ARSB: variants seen among roughly 807,000 people sequenced by gnomAD.
The protein encoded by ARSB is N-acetylgalactosamine-4-sulfatase.
A neutral mutation model predicts 50.9 loss-of-function variants in ARSB; 41 were observed. The ratio of observed to expected loss-of-function variants is 0.81; its 90% CI spans 0.63 to 1.04. The LOEUF is 1.04. Ranked by LOEUF, ARSB falls within the 50% of genes least tolerant of loss-of-function variation. ARSB has a pLI of 0.00. For missense variants in ARSB, 672 were observed against 693.3 expected (o/e 0.97, Z 0.35); for synonymous variants, 269 against 284.8 (o/e 0.94, Z 0.56).
intron 5 of ARSB, among the ~76,000 whole-genome samples, chr5:78,846,673 T>A (rs6896262): frequency 6.6e-6 from 1 of 152,168 alleles, no homozygotes; most frequent in Non-Finnish European, 1.5e-5. Context: ...GTTTTCTGTA[T>A]ATATGATGAT....
At chr5:78,905,887 G>A (rs1749038816) in intron 4 of ARSB, among the ~76,000 whole-genome samples, 1 of 142,674 alleles carries the variant, frequency 7.0e-6, no homozygotes, top group Admixed American at 7.2e-5. Flanking sequence ...GCATAACTGA[G>A]GTTGCCTTTG....
At chr5:78,805,757 C>T (rs1351892522) in intron 6 of ARSB, among the ~76,000 whole-genome samples, 1 of 152,172 alleles carries the variant, frequency 6.6e-6, no homozygotes, top group Non-Finnish European at 1.5e-5. Flanking sequence ...TGATTATCAT[C>T]GACTGAGCAG....
intron 6 of ARSB, among the ~76,000 whole-genome samples, chr5:78,836,038 C>T (rs1442650093): frequency 6.6e-6 from 1 of 152,186 alleles, no homozygotes; most frequent in African/African-American, 2.4e-5. Context: ...ATATGATATC[C>T]AGACTTGGCT....
chr5:78,931,917 T>A (rs1370501994), intron 4 of ARSB, among the ~76,000 whole-genome samples: 6 of 151,888 alleles, frequency 4.0e-5, no homozygotes, highest in Non-Finnish European at 8.8e-5. Context: ...CCCCTTCACT[T>A]TCTCTCTCTC....
At position 78,797,920 on chromosome 5, in the gene ARSB, G is replaced by A. The variant is rs562492123; in HGVS notation, c.1214-15946C>T. Among the ~76,000 whole-genome samples the A allele has an allele frequency of 2.0e-5, 3 of 152,286 alleles. No individual in the cohort carries two copies. The South Asian group carries it at 6.2e-4, about 32-fold the overall frequency. The stretch of plus-strand genomic sequence containing the variant: ...TTTGAAAGGCAAAGCATAGGGGAAG[G>A]GGCCTCTAAAAGGCTGAGAAGGAGG... On this transcript the variant is annotated intron_variant, in intron 6 of 7. Transcript: ENST00000264914.
rs1007398945 is a variant in ARSB, at chr5:78,942,580, T to C, written c.898+12715A>G. ...AGGAGCGGGTTGTTCGGTTTCCATG[T>C]AGTTGAATGGTTTTGAGTGAGTTTC... On this transcript the variant is annotated intron_variant, in intron 4 of 7. Coordinates refer to ENST00000264914, the MANE Select transcript of ARSB (RefSeq NM_000046.5). Among the ~76,000 whole-genome samples the C allele has an allele frequency of 6.6e-5, 10 of 152,222 alleles. No individual in the cohort carries two copies. In the South Asian group the frequency reaches 1.0e-3, roughly 16 times the overall value.
At chr5:78,862,588 A>T (rs1746498541) in intron 5 of ARSB, among the ~76,000 whole-genome samples, 1 of 152,240 alleles carries the variant, frequency 6.6e-6, no homozygotes, top group African/African-American at 2.4e-5. Flanking sequence ...TACACCTTAT[A>T]CAAAAATTAA....
chr5:78,959,676 T>C (rs558378754), intron 3 of ARSB, among the ~76,000 whole-genome samples: 2 of 152,262 alleles, frequency 1.3e-5, no homozygotes, highest in East Asian at 3.9e-4. Flanking sequence ...GATATTTCCA[T>C]CCCATACTAC....
chr5:78,862,188 G>T (rs1277731564), intron 5 of ARSB, among the ~76,000 whole-genome samples: 2 of 152,182 alleles, frequency 1.3e-5, no homozygotes, highest in African/African-American at 2.4e-5. Context: ...TGGCCATACT[G>T]CCCGAGGTAA....
chr5:78,801,292 G>A (rs573103812), intron 6 of ARSB, among the ~76,000 whole-genome samples: 22 of 152,220 alleles, frequency 1.4e-4, no homozygotes, highest in Non-Finnish European at 2.4e-4. Context: ...TTGTAAATAC[G>A]TACCTTAGCA....
intron 4 of ARSB, among the ~76,000 whole-genome samples, chr5:78,918,177 C>T (rs1749644787): frequency 6.6e-6 from 1 of 152,176 alleles, no homozygotes; most frequent in Admixed American, 6.5e-5. Context: ...TATATCTGCA[C>T]ATTAGGGATT....
At position 78,936,126 on chromosome 5, in the gene ARSB, TC is replaced by T. The variant is rs1482188356; in HGVS notation, c.898+19168del. ...TTCCCTCCATCCCTTCCTCTCTCTC[TC>T]TCTTTTTTTTTTTTTTTGGTGGATT... On this transcript the variant is annotated intron_variant, in intron 4 of 7. Coordinates refer to ENST00000264914, the MANE Select transcript of ARSB (RefSeq NM_000046.5). Among the ~76,000 whole-genome samples, 433 of 84,496 alleles carry T rather than the reference TC, an allele frequency of 5.1e-3. 4 individuals carry two copies. Among genetic ancestry groups the T allele is most frequent in the African/African-American group, 0.02 (398 of 19,966 alleles). 55.4% of individuals were successfully genotyped at this position (84,496 alleles called of 152,430 possible).
intron 3 of ARSB, among the ~76,000 whole-genome samples, chr5:78,959,706 C>T (rs1417167826): frequency 6.6e-6 from 1 of 152,164 alleles, no homozygotes; most frequent in Non-Finnish European, 1.5e-5. Flanking sequence ...AGTTTCAACA[C>T]TCAGAAGGTG....
intron 1 of ARSB, among the ~76,000 whole-genome samples, chr5:78,970,709 T>C (rs562368589): frequency 6.6e-6 from 1 of 152,122 alleles, no homozygotes; most frequent in African/African-American, 2.4e-5. Context: ...ATCCCAACAC[T>C]TTGGGAGGCT....
chr5:78,954,985 A>C (rs537600124), intron 4 of ARSB, among the ~76,000 whole-genome samples: 40 of 152,248 alleles, frequency 2.6e-4, no homozygotes, highest in Non-Finnish European at 3.7e-4. Flanking sequence ...AGCTGGGAAC[A>C]AGCCACTCTA....
chr5:78,844,094 G>T (rs1443784052), intron 5 of ARSB, among the ~76,000 whole-genome samples: 3 of 152,086 alleles, frequency 2.0e-5, no homozygotes, highest in Admixed American at 6.6e-5. Flanking sequence ...CAGGTCATAT[G>T]GTAACTCTAC....
At chr5:78,789,176 C>A (rs1749173844) in intron 6 of ARSB, among the ~76,000 whole-genome samples, 1 of 152,080 alleles carries the variant, frequency 6.6e-6, no homozygotes, top group Non-Finnish European at 1.5e-5. Context: ...CATAACAATG[C>A]AATTTATATG....
At chr5:78,972,242 TTCTC>T (rs2112540459) in intron 1 of ARSB, among the ~76,000 whole-genome samples, 1 of 152,278 alleles carries the variant, frequency 6.6e-6, no homozygotes, top group Admixed American at 6.5e-5. Flanking sequence ...GCAGACTTCT[TTCTC>T]TATCTGCCTC....
chr5:78,861,064 A>G (rs1269054941), intron 5 of ARSB, among the ~76,000 whole-genome samples: 2 of 152,230 alleles, frequency 1.3e-5, no homozygotes, highest in African/African-American at 2.4e-5. Flanking sequence ...TAAACCAGGA[A>G]GAAGCTGAAT....
Sources: gnomAD v4.1 joint callset for allele counts (sites outside exome capture counted in the v4.1 genomes callset) on GRCh38, gnomAD v4.1.1 for gene constraint, MANE v1.5 for transcripts, NCBI Gene and HGNC (gene_info 2026-07-23, HGNC 2026-07-21) for gene names.